Variants in DERA observed in about 807,000 individuals in gnomAD.
DERA encodes the protein 2-deoxy-D-ribose 5-phosphate aldolase.
DERA carries 15 observed loss-of-function variants against 41.1 expected under a neutral mutation model. That is an observed-to-expected ratio of 0.37 (90% CI 0.24 to 0.56). The LOEUF is 0.56. DERA is among the 20% of genes least tolerant of loss of function. The pLI, the probability that DERA is intolerant of heterozygous loss-of-function variation, is 0.81. For missense variants in DERA, 396 were observed against 403.4 expected (o/e 0.98, Z 0.16); for synonymous variants, 139 against 137.4 (o/e 1.01, Z -0.08).
chr12:15,925,926 C>G (rs1948279375), intron 1 of DERA, among the ~76,000 whole-genome samples: 1 of 145,098 alleles, frequency 6.9e-6, no homozygotes, highest in African/African-American at 2.7e-5. Context: ...CTCCCAGGTT[C>G]AAGCAATTCT....
rs1948244581 is a variant in DERA, at chr12:15,921,549, C to A, written c.31+10135C>A. ...TCCTATTGTATTTGGTGAAGGAGCT[C>A]AAGATCTGTATATTGTGGTATTTTG... On this transcript the variant is annotated intron_variant, in intron 1 of 8. Coordinates refer to ENST00000428559, the MANE Select transcript of DERA (RefSeq NM_015954.4). The surrounding 1 kb of genome is among the most constrained non-coding windows in gnomAD (Gnocchi z 5.3). Among the ~76,000 whole-genome samples the A allele has an allele frequency of 6.6e-6, 1 of 152,056 alleles. No individual in the cohort carries two copies. The highest frequency in any genetic ancestry group is 2.4e-5 in the African/African-American group (1 of 41,376).
At position 15,992,989 on chromosome 12, in the gene DERA, A is replaced by T. The variant is rs1338418198; in HGVS notation, c.637+10553A>T. Among the ~76,000 whole-genome samples, 1 of 152,204 alleles carries T rather than the reference A, an allele frequency of 6.6e-6. No homozygotes were observed. Among genetic ancestry groups the T allele is most frequent in the Non-Finnish European group, 1.5e-5 (1 of 68,026 alleles). ...GATCTGTGGGAAGAGTACTAACACA[A>T]AAATATGGGGCTTGAGAAAAGCAGA... is the stretch of plus-strand genomic sequence containing the variant. On this transcript the variant is annotated intron_variant, in intron 6 of 8. Coordinates refer to ENST00000428559, the MANE Select transcript of DERA (RefSeq NM_015954.4). This position sits in a 1 kb window ranked among gnomAD's most constrained non-coding sequence, Gnocchi z 4.3.
chr12:15,962,806 C>T lies in DERA; in HGVS notation c.374-7C>T. 1 of 1,538,206 alleles carries T rather than the reference C, an allele frequency of 6.5e-7. No individual in the cohort carries two copies. The highest frequency in any genetic ancestry group is 2.0e-5 in the Admixed American group (1 of 49,508). Reference sequence around the variant, plus strand: ...TCTTTCTTCATTTCCTTTCTTAACTCTATTAGTGGCCGCTGGATTTCCAGC... The same window carrying T: ...TCTTTCTTCATTTCCTTTCTTAACTTTATTAGTGGCCGCTGGATTTCCAGC... On this transcript the variant is annotated splice_polypyrimidine_tract_variant and splice_region_variant and intron_variant, in intron 4 of 8. Transcript: ENST00000428559.
Position 16,037,207 on chromosome 12 carries a change from T to C in DERA, c.*461T>C, listed in dbSNP as rs1949135211. ...TCATTTTTGCCGTGGATAGGCGCTT[T>C]TATTAATTGTTGTCCTAATGAAATT... On this transcript the variant is annotated 3_prime_UTR_variant, in exon 9 of 9. Coordinates refer to ENST00000428559, the MANE Select transcript of DERA (RefSeq NM_015954.4). The surrounding 1 kb of genome is among the most constrained non-coding windows in gnomAD (Gnocchi z 6.7). 6.5e-6 allele frequency: 1 copy of C among 152,758 alleles called. No homozygotes were observed. Among genetic ancestry groups the C allele is most frequent in the African/African-American group, 2.4e-5 (1 of 41,468 alleles). 9.5% of individuals were successfully genotyped at this position (152,758 alleles called of 1,614,324 possible).
At position 15,941,933 on chromosome 12, in the gene DERA, C is replaced by A. The variant is rs974872514; in HGVS notation, c.32-15003C>A. Among the ~76,000 whole-genome samples the A allele has an allele frequency of 1.3e-5, 2 of 152,062 alleles. No homozygotes were observed. The highest frequency in any genetic ancestry group is 1.3e-4 in the Admixed American group (2 of 15,266). ...TGAATGGTAAGTTCTTTAAGGAATC[C>A]CCGTACTGTTTTCTGTAGTGGTTGT... On this transcript the variant is annotated intron_variant, in intron 1 of 8. Transcript: ENST00000428559. This position sits in a 1 kb window ranked among gnomAD's most constrained non-coding sequence, Gnocchi z 4.5.
chr12:16,010,187 A>T lies in DERA; in HGVS notation c.638-22355A>T, dbSNP rs1948938130. On this transcript the variant is annotated intron_variant, in intron 6 of 8. Transcript: ENST00000428559. This position sits in a 1 kb window ranked among gnomAD's most constrained non-coding sequence, Gnocchi z 5.5. The stretch of plus-strand genomic sequence containing the variant: ...GTGGGCAAGGCAGTGCCTTGAAAAC[A>T]AGTGTGTGGCATCCAGGGAGATCCT... Among the ~76,000 whole-genome samples the T allele has an allele frequency of 6.6e-6, 1 of 152,204 alleles. No homozygotes were observed.
intron 1 of DERA, among the ~76,000 whole-genome samples, chr12:15,953,684 G>C (rs1258533295): frequency 6.6e-6 from 1 of 152,154 alleles, no homozygotes; most frequent in Non-Finnish European, 1.5e-5. Flanking sequence ...CTTTGGTCCT[G>C]ATGAGATTAT....
At chr12:15,978,254 T>C (rs1948711808) in intron 5 of DERA, among the ~76,000 whole-genome samples, 1 of 152,182 alleles carries the variant, frequency 6.6e-6, no homozygotes, top group African/African-American at 2.4e-5. Flanking sequence ...TAATGCTTCT[T>C]TGTGGTTTCT....
chr12:15,926,758 A>G (rs964248702), intron 1 of DERA, among the ~76,000 whole-genome samples: 34 of 151,416 alleles, frequency 2.2e-4, no homozygotes, highest in African/African-American at 8.0e-4. Flanking sequence ...AAAAAAAAAA[A>G]AAAGAAACAA....
intron 1 of DERA, among the ~76,000 whole-genome samples, chr12:15,949,213 C>G (rs1948476655): frequency 6.6e-6 from 1 of 152,206 alleles, no homozygotes; most frequent in Non-Finnish European, 1.5e-5. Flanking sequence ...AGAACCACTA[C>G]TCTCTTCAAA....
At chr12:15,969,943 CTG>C (rs1948649092) in intron 5 of DERA, among the ~76,000 whole-genome samples, 1 of 152,156 alleles carries the variant, frequency 6.6e-6, no homozygotes, top group Admixed American at 6.5e-5. Context: ...AATACGACAA[CTG>C]TATGCTTTTA....
chr12:15,914,393 TA>T (rs1185673228), intron 1 of DERA, among the ~76,000 whole-genome samples: 1,955 of 55,010 alleles, frequency 0.036, 39 homozygotes, highest in African/African-American at 0.094. Flanking sequence ...TCAAAAAAGA[TA>T]AAAAAAAAAA....
chr12:15,936,886 TTGTCC>T lies in DERA; in HGVS notation c.32-20005_32-20001del, dbSNP rs71438363. Among the ~76,000 whole-genome samples the T allele has an allele frequency of 0.024, 3,283 of 136,766 alleles. 58 individuals carry two copies. Among genetic ancestry groups the T allele is most frequent in the African/African-American group, 0.047 (1,468 of 31,230 alleles). The allele number at this position is 136,766 out of a possible 152,430, so 89.7% of individuals were successfully genotyped here. The stretch of plus-strand genomic sequence containing the variant: ...TTGTCTTGTCTTGTCTTGTCTTGTC[TTGTCC>T]TGTCCTGTCCTGTCCTGTCCTGTCC... On this transcript the variant is annotated intron_variant, in intron 1 of 8. Coordinates refer to ENST00000428559, the MANE Select transcript of DERA (RefSeq NM_015954.4). The surrounding 1 kb of genome is among the most constrained non-coding windows in gnomAD (Gnocchi z 4.6).
Position 16,036,500 on chromosome 12 carries a change from C to A in DERA, c.900+119C>A, listed in dbSNP as rs1949130017. 1.6e-6 allele frequency: 2 copies of A among 1,245,788 alleles called. No individual in the cohort carries two copies. The highest frequency in any genetic ancestry group is 3.1e-5 in the South Asian group (2 of 64,354). 77.2% of individuals were successfully genotyped at this position (1,245,788 alleles called of 1,614,324 possible). ...TCTGATTGACCTCATCCTACCCAATCCTCTACCTTTTCTTCCAAGCAAACC... is the reference window on the plus strand; with the variant it reads ...TCTGATTGACCTCATCCTACCCAATACTCTACCTTTTCTTCCAAGCAAACC... On this transcript the variant is annotated intron_variant, in intron 8 of 8. Transcript: ENST00000428559. The surrounding 1 kb of genome is among the most constrained non-coding windows in gnomAD (Gnocchi z 4.9).
At position 15,926,507 on chromosome 12, in the gene DERA, C is replaced by T. The variant is rs930208272; in HGVS notation, c.31+15093C>T. On this transcript the variant is annotated intron_variant, in intron 1 of 8. Transcript: ENST00000428559. ...ATCCCAGCACTTTGGGAGGCCGAGG[C>T]GGGCGGATCACGAGATGAGGAGATC... 6.6e-5 allele frequency among the ~76,000 whole-genome samples: 10 copies of T among 151,982 alleles called. No individual in the cohort carries two copies. In the South Asian group the frequency reaches 1.0e-3, roughly 16 times the overall value.
chr12:15,982,396 T>C lies in DERA; in HGVS notation c.597T>C (p.Leu199=), dbSNP rs1298945948. ...TILATGELGT[L]TNVYKASMIA... is the part of the protein sequence containing the mutation. The stretch of plus-strand genomic sequence containing the variant: ...TAGCGACAGGAGAACTTGGAACTCT[T>C]ACTAATGTCTATAAAGCCAGTATGA... Residue 199 remains leucine (L), a synonymous_variant, in exon 6 of 9, where the codon CTT becomes CTC. Coordinates refer to ENST00000428559, the MANE Select transcript of DERA (RefSeq NM_015954.4). The surrounding 1 kb of genome is among the most constrained non-coding windows in gnomAD (Gnocchi z 4.0). 1.2e-5 allele frequency: 19 copies of C among 1,613,788 alleles called. No individual in the cohort carries two copies. Among genetic ancestry groups the C allele is most frequent in the Non-Finnish European group, 1.6e-5 (19 of 1,179,868 alleles).
At chr12:16,033,390 G>A (rs771271400) in intron 7 of DERA, among the ~76,000 whole-genome samples, 5 of 152,034 alleles carry the variant, frequency 3.3e-5, no homozygotes, top group Non-Finnish European at 7.4e-5. Flanking sequence ...AGCTGAGGAG[G>A]GTGTATACTA....
At chr12:15,947,403 C>T (rs551652262) in intron 1 of DERA, among the ~76,000 whole-genome samples, 33 of 152,220 alleles carry the variant, frequency 2.2e-4, no homozygotes, top group African/African-American at 7.7e-4. Context: ...GTGTTGGGTG[C>T]ATATATATTT....
At position 15,939,912 on chromosome 12, in the gene DERA, G is replaced by A. The variant is rs147313696; in HGVS notation, c.32-17024G>A. Among the ~76,000 whole-genome samples the A allele has an allele frequency of 1.3e-3, 195 of 152,242 alleles. 1 individual carries two copies. Among genetic ancestry groups the A allele is most frequent in the African/African-American group, 4.6e-3 (192 of 41,550 alleles). On this transcript the variant is annotated intron_variant, in intron 1 of 8. Coordinates refer to ENST00000428559, the MANE Select transcript of DERA (RefSeq NM_015954.4). ...GTATAAATAAAATGTTTAAAATTTG[G>A]CAATGACAGCTTTTACTTTAGTTGT...
Sources: allele counts gnomAD v4.1 joint callset (sites outside exome capture counted in the v4.1 genomes callset), GRCh38; gene constraint gnomAD v4.1.1; non-coding constraint Gnocchi (gnomAD v3.1); transcripts MANE v1.5; gene names NCBI Gene and HGNC (gene_info 2026-07-23, HGNC 2026-07-21).